Variants in IHO1 observed in about 807,000 individuals in gnomAD.
IHO1 encodes the protein interactor of HORMAD1 1, also known as interactor of HORMAD1 protein 1.
Under a neutral mutation model 31.0 loss-of-function variants are expected in IHO1, and 13 were observed. That is an observed-to-expected ratio of 0.42 (90% CI 0.27 to 0.67). IHO1 has a LOEUF of 0.67. Ranked by LOEUF, IHO1 falls within the 30% of genes least tolerant of loss-of-function variation. The pLI is 0.24. For synonymous variants in IHO1, 221 were observed against 248.4 expected (o/e 0.89, Z 1.04); for missense variants, 599 against 687.5 (o/e 0.87, Z 1.44).
intron 3 of IHO1, 51 bp downstream of exon 3, chr3:49,236,773 A>G (rs1362628253): frequency 6.5e-7 from 1 of 1,528,692 alleles, no homozygotes; most frequent in East Asian, 2.3e-5. Flanking sequence ...GTCATTATGG[A>G]GATAAACTAT....
At chr3:49,227,388 C>T (rs1164464874) in intron 2 of IHO1, among the ~76,000 whole-genome samples, 5 of 152,068 alleles carry the variant, frequency 3.3e-5, no homozygotes, top group Non-Finnish European at 7.4e-5. Context: ...AAGACAAAAC[C>T]GCCCATGGTT....
chr3:49,257,897 C>T lies in IHO1; in HGVS notation c.*615C>T, dbSNP rs1160093780. The T allele has an allele frequency of 2.0e-5, 3 of 152,178 alleles. No individual in the cohort carries two copies. Among genetic ancestry groups the T allele is most frequent in the Non-Finnish European group, 4.4e-5 (3 of 68,076 alleles). 9.4% of individuals were successfully genotyped at this position (152,178 alleles called of 1,614,324 possible). A position where few individuals can be genotyped will look rare whatever the true frequency, so the allele number is the denominator to read the frequency against. On this transcript the variant is annotated 3_prime_UTR_variant, in exon 8 of 8. Transcript: ENST00000452691. ...CAAATGTCCAGAGCATATCACTGCT[C>T]ACAAGCCATTTTTCTTCCTGGTTGC...
At chr3:49,243,954 T>TA (rs2046663665) in intron 4 of IHO1, among the ~76,000 whole-genome samples, 2 of 150,810 alleles carry the variant, frequency 1.3e-5, no homozygotes, top group African/African-American at 4.9e-5. Flanking sequence ...TTTTTTTTTT[T>TA]AACTTTTTAT....
Position 49,244,753 on chromosome 3 carries a change from G to A in IHO1, c.532+20G>A. ...AGACATGTGAGTGCCTCATGTTTGA[G>A]GTATCAGCAGAGGGCACTGGTGAAT... is the stretch of plus-strand genomic sequence containing the variant. On this transcript the variant is annotated intron_variant, in intron 6 of 7. Coordinates refer to ENST00000452691, the MANE Select transcript of IHO1 (RefSeq NM_001135197.2). 1 of 1,599,254 alleles carries A rather than the reference G, an allele frequency of 6.3e-7. No individual in the cohort carries two copies. Among genetic ancestry groups the A allele is most frequent in the Non-Finnish European group, 8.6e-7 (1 of 1,166,530 alleles).
At chr3:49,250,190 C>CGAT (rs1258951117) in intron 6 of IHO1, among the ~76,000 whole-genome samples, 1 of 151,924 alleles carries the variant, frequency 6.6e-6, no homozygotes, top group African/African-American at 2.4e-5. Context: ...TTCCAGAAAC[C>CGAT]GATGATAATG....
In IHO1 at chr3:49,258,049, A is replaced by C. The variant is rs1488367878; in HGVS notation, c.*767A>C. 1 of 152,122 alleles carries C rather than the reference A, an allele frequency of 6.6e-6. No homozygotes were observed. The highest frequency in any genetic ancestry group is 2.4e-5 in the African/African-American group (1 of 41,422). The allele number at this position is 152,122 out of a possible 1,614,324, so 9.4% of individuals were successfully genotyped here. ...CATTTTTATCTTGCTGAAGTTTTTGAGTTTTTGCAACACAAGTATTTTTTG... is the reference window on the plus strand; with the variant it reads ...CATTTTTATCTTGCTGAAGTTTTTGCGTTTTTGCAACACAAGTATTTTTTG... On this transcript the variant is annotated 3_prime_UTR_variant, in exon 8 of 8. Transcript: ENST00000452691.
At chr3:49,253,624 T>C (rs766563582) in intron 6 of IHO1, among the ~76,000 whole-genome samples, 6 of 152,196 alleles carry the variant, frequency 3.9e-5, no homozygotes, top group Non-Finnish European at 7.4e-5. Context: ...ATTCTTTCCC[T>C]TACAGTTTTA....
intron 2 of IHO1, among the ~76,000 whole-genome samples, chr3:49,226,036 A>C (rs1311371130): frequency 6.6e-6 from 1 of 152,162 alleles, no homozygotes; most frequent in Non-Finnish European, 1.5e-5. Flanking sequence ...ACATAAGTGA[A>C]GGGGCAGCTC....
rs775247270 is a variant in IHO1 at position 49,241,231 on chromosome 3, A to T, written c.237A>T (p.Glu79Asp). ...KQSQQNYLEG[E>D]PSIFTKYQTK... ...ATATTTTTTTCATTTAACAGGGTGA[A>T]CCTAGCATTTTCACAAAGTACCAGA... is the stretch of plus-strand genomic sequence containing the variant. The change falls in exon 4 of 8, where the codon GAA becomes GAT. Residue 79 changes from glutamate (E) to aspartate (D), a missense_variant. By Grantham distance (45) the Glu-to-Asp change is conservative. Transcript: ENST00000452691. The T allele has an allele frequency of 3.1e-6, 5 of 1,597,176 alleles. No homozygotes were observed. In the South Asian group the frequency reaches 5.7e-5, roughly 18 times the overall value.
chr3:49,203,319 C>T (rs554255282), intron 1 of IHO1, among the ~76,000 whole-genome samples: 3 of 152,144 alleles, frequency 2.0e-5, no homozygotes, highest in African/African-American at 4.8e-5. Flanking sequence ...AGTGAGGAGC[C>T]CCATAAGAGG....
At chr3:49,236,040 A>C (rs2046555771) in intron 2 of IHO1, among the ~76,000 whole-genome samples, 1 of 152,118 alleles carries the variant, frequency 6.6e-6, no homozygotes, top group Non-Finnish European at 1.5e-5. Flanking sequence ...CAGGAGTTCA[A>C]GACCAGCCTG....
chr3:49,257,312 C>G lies in IHO1; in HGVS notation c.*30C>G. The stretch of plus-strand genomic sequence containing the variant: ...TCCACAGTTGATTTATTGGTCTCAG[C>G]TAGAAAGAGAAATTGCAGGACATTT... On this transcript the variant is annotated 3_prime_UTR_variant, in exon 8 of 8. Coordinates refer to ENST00000452691, the MANE Select transcript of IHO1 (RefSeq NM_001135197.2). 1 of 1,586,936 alleles carries G rather than the reference C, an allele frequency of 6.3e-7. No homozygotes were observed. The highest frequency in any genetic ancestry group is 8.6e-7 in the Non-Finnish European group (1 of 1,163,692).
intron 1 of IHO1, among the ~76,000 whole-genome samples, chr3:49,202,323 ATTTT>A (rs66767086): frequency 2.3e-5 from 3 of 132,496 alleles, no homozygotes; most frequent in African/African-American, 2.8e-5. Flanking sequence ...CTTCTTTTTA[ATTTT>A]TTTTTTTTTT....
At chr3:49,214,859 C>G (rs2046268945) in intron 2 of IHO1, among the ~76,000 whole-genome samples, 1 of 151,140 alleles carries the variant, frequency 6.6e-6, no homozygotes, top group African/African-American at 2.4e-5. Flanking sequence ...AGTCTGATCT[C>G]AAACAACTGA....
At chr3:49,208,713 A>G (rs2046172386) in intron 1 of IHO1, among the ~76,000 whole-genome samples, 1 of 152,098 alleles carries the variant, frequency 6.6e-6, no homozygotes. Context: ...ATCTTTATTC[A>G]GCTAACAAAG....
At chr3:49,200,518 A>AGAGAGAGAG (rs1319803796) in intron 1 of IHO1, 1 of 957,388 alleles carries the variant, frequency 1.0e-6, no homozygotes, top group Non-Finnish European at 1.2e-6. Context: ...AAAGAAAGAA[A>AGAGAGAGAG]AGAAAAAAGA....
chr3:49,248,084 C>A (rs565911725), intron 6 of IHO1, among the ~76,000 whole-genome samples: 42 of 150,216 alleles, frequency 2.8e-4, no homozygotes, highest in Admixed American at 2.4e-3. Flanking sequence ...GAGATGGCGC[C>A]ACTGCACTCC....
intron 2 of IHO1, 84 bp downstream of exon 2, chr3:49,211,920 T>G: frequency 1.3e-6 from 1 of 799,580 alleles, no homozygotes; most frequent in South Asian, 1.4e-5. Flanking sequence ...CCCAGCACTT[T>G]GGGAGGCCAA....
At chr3:49,237,811 A>G (rs778765004) in intron 3 of IHO1, among the ~76,000 whole-genome samples, 17 of 146,314 alleles carry the variant, frequency 1.2e-4, no homozygotes, top group Non-Finnish European at 1.5e-4. Flanking sequence ...TCTGAGGCCT[A>G]GGTTAGTGAG....
Sources: allele counts gnomAD v4.1 joint callset (sites outside exome capture counted in the v4.1 genomes callset), GRCh38; gene constraint gnomAD v4.1.1; transcripts MANE v1.5; gene names NCBI Gene and HGNC (gene_info 2026-07-23, HGNC 2026-07-21).